PUM1: variants seen among roughly 807,000 people sequenced by gnomAD.
PUM1 encodes the protein pumilio RNA binding family member 1, also known as pumilio homolog 1.
PUM1 carries 13 observed loss-of-function variants against 131.8 expected under a neutral mutation model. The observed-to-expected ratio is 0.10, with a 90% CI of 0.06 to 0.16. PUM1 has a LOEUF of 0.16. PUM1 is among the 10% of genes least tolerant of loss of function. The probability of loss-of-function intolerance (pLI) is 1.00; values close to 1 mark genes in which losing one functional copy is unlikely to be tolerated. For synonymous variants in PUM1, 509 were observed against 556.5 expected, an observed-to-expected ratio of 0.91 and a Z score of 1.20; for missense variants, 961 against 1,512.4, an observed-to-expected ratio of 0.64 and a Z score of 6.05.
chr1:31,013,534 AGC>A (rs1642698033), intron 3 of PUM1, among the ~76,000 whole-genome samples: 1 of 152,244 alleles, frequency 6.6e-6, no homozygotes, highest in Non-Finnish European at 1.5e-5. Flanking sequence ...TTACAACACA[AGC>A]TTAGTTTCAC....
chr1:30,940,071 C>T (rs1639381734), intron 20 of PUM1, among the ~76,000 whole-genome samples: 2 of 152,102 alleles, frequency 1.3e-5, no homozygotes, highest in African/African-American at 4.8e-5. Flanking sequence ...AATATAAAGT[C>T]GTAAGAGATA....
rs1639022558 is a variant in PUM1 at position 30,933,032 on chromosome 1, T to C, written c.*179A>G. 1 of 699,228 alleles carries C rather than the reference T, an allele frequency of 1.4e-6. No homozygotes were observed. Among genetic ancestry groups the C allele is most frequent in the African/African-American group, 1.8e-5 (1 of 54,970 alleles). The allele number at this position is 699,228 out of a possible 1,614,324, so 43.3% of individuals were successfully genotyped here. ...ATAGTACATGTTATGTGTAATAAAA[T>C]TAAATTTACAAAGGCTTTTCCACTC... On this transcript the variant is annotated 3_prime_UTR_variant, in exon 22 of 22. Coordinates refer to ENST00000426105, the MANE Select transcript of PUM1 (RefSeq NM_001020658.2).
intron 20 of PUM1, among the ~76,000 whole-genome samples, chr1:30,939,768 G>A (rs536082343): frequency 1.2e-4 from 18 of 152,274 alleles, no homozygotes; most frequent in Middle Eastern, 3.4e-3. Context: ...TGAGGTGGGA[G>A]GACTGCTTGA....
chr1:30,959,109 A>C (rs1413970107), intron 14 of PUM1, among the ~76,000 whole-genome samples: 1 of 152,248 alleles, frequency 6.6e-6, no homozygotes, highest in African/African-American at 2.4e-5. Context: ...AAGACCTATA[A>C]GATGTAAAGA....
Position 31,007,184 on chromosome 1 carries a change from G to C in PUM1, c.433-82C>G. 3.8e-6 allele frequency: 4 copies of C among 1,049,874 alleles called. No homozygotes were observed. The South Asian group carries it at 5.4e-5, about 14-fold the overall frequency. 65.0% of individuals were successfully genotyped at this position (1,049,874 alleles called of 1,614,324 possible). On this transcript the variant is annotated intron_variant, in intron 3 of 21. Coordinates refer to ENST00000426105, the MANE Select transcript of PUM1 (RefSeq NM_001020658.2). ...CAGTCAACACTTTCTTTTAGACAAG[G>C]GTACTGAAGATGCTCACGTGCCCTG...
chr1:31,046,640 T>A (rs1022595027), intron 2 of PUM1, among the ~76,000 whole-genome samples: 2 of 151,680 alleles, frequency 1.3e-5, no homozygotes, highest in African/African-American at 2.4e-5. Flanking sequence ...CCTAAGTAGC[T>A]GGGATTACAG....
chr1:30,936,929 G>T, intron 20 of PUM1, 94 bp from the exon 21 acceptor site: 1 of 1,060,586 alleles, frequency 9.4e-7, no homozygotes, highest in Non-Finnish European at 1.3e-6. Context: ...CTCCGGACCA[G>T]CAGGGAGAGA....
chr1:30,967,475 G>T (rs1007425922), intron 11 of PUM1, among the ~76,000 whole-genome samples, 165 bp from the exon 12 acceptor site: 1 of 152,114 alleles, frequency 6.6e-6, no homozygotes, highest in Non-Finnish European at 1.5e-5. Flanking sequence ...GGCTACAAAT[G>T]ATTATAAAAA....
At chr1:31,049,389 G>A (rs1474736817) in intron 2 of PUM1, among the ~76,000 whole-genome samples, 18 of 151,978 alleles carry the variant, frequency 1.2e-4, no homozygotes, top group Admixed American at 1.2e-3. Context: ...GGTAGCATGT[G>A]CCGGTAATCC....
chr1:30,994,921 G>C, intron 6 of PUM1, 133 bp downstream of exon 6: 1 of 947,370 alleles, frequency 1.1e-6, no homozygotes. Flanking sequence ...TTGTAGCATA[G>C]CCTACACTAG....
chr1:30,973,904 A>G (rs186855714), intron 10 of PUM1, among the ~76,000 whole-genome samples: 7 of 152,238 alleles, frequency 4.6e-5, no homozygotes, highest in Admixed American at 4.6e-4. Flanking sequence ...CCTGACCAAC[A>G]TGGTGAAACC....
intron 5 of PUM1, among the ~76,000 whole-genome samples, chr1:31,003,735 C>T (rs763656848): frequency 4.6e-5 from 7 of 152,152 alleles, no homozygotes; most frequent in South Asian, 2.1e-4. Flanking sequence ...CCAGTCTGGG[C>T]GACAAGAGTG....
At chr1:30,951,545 C>T (rs1043435980) in intron 16 of PUM1, among the ~76,000 whole-genome samples, 3 of 151,568 alleles carry the variant, frequency 2.0e-5, no homozygotes, top group South Asian at 2.1e-4. Context: ...CTCCTCATCT[C>T]GAAGTTTTGT....
intron 18 of PUM1, 70 bp from the exon 19 acceptor site, chr1:30,942,193 A>T (rs4949187): frequency 0.61 from 108,499 of 178,146 alleles, 25,228 homozygotes; most frequent in Non-Finnish European, 0.63. Context: ...AGTATTGTTT[A>T]TATATATATA....
At chr1:31,000,711 A>T (rs1642177994) in intron 5 of PUM1, among the ~76,000 whole-genome samples, 1 of 152,198 alleles carries the variant, frequency 6.6e-6, no homozygotes. Context: ...TTCTTTCTAC[A>T]AAGTATTTTA....
At chr1:30,940,391 G>A (rs1440367100) in intron 20 of PUM1, among the ~76,000 whole-genome samples, 3 of 152,166 alleles carry the variant, frequency 2.0e-5, no homozygotes, top group Non-Finnish European at 4.4e-5. Context: ...TAGGAGGATC[G>A]CTTGAGCCTG....
chr1:31,007,685 A>G (rs1266195992), intron 3 of PUM1, among the ~76,000 whole-genome samples: 2 of 152,236 alleles, frequency 1.3e-5, no homozygotes, highest in Non-Finnish European at 2.9e-5. Flanking sequence ...TTCCTTCATT[A>G]CTGGAAGGGA....
chr1:31,038,502 TTTGTC>T (rs1264060960), intron 2 of PUM1, among the ~76,000 whole-genome samples: 2 of 152,178 alleles, frequency 1.3e-5, no homozygotes, highest in African/African-American at 4.8e-5. Context: ...GCTATGGTGA[TTTGTC>T]TTATCTCCCT....
In PUM1 at chr1:30,952,285, G is replaced by A; in HGVS notation, c.2670C>T (p.Tyr890=). ...LVFNEILQAA[Y]QLMVDVFGNY... ...TACCAAACACATCCACCATGAGTTG[G>A]TAGGCAGCCTGGAGGATTTCATTGA... Residue 890 remains tyrosine, a synonymous_variant, in exon 16 of 22, where the codon TAC becomes TAT. Transcript: ENST00000426105. 1 of 1,614,142 alleles carries A rather than the reference G, an allele frequency of 6.2e-7. No homozygotes were observed. The highest frequency in any genetic ancestry group is 8.5e-7 in the Non-Finnish European group (1 of 1,179,980).
Sources: allele counts gnomAD v4.1 joint callset (sites outside exome capture counted in the v4.1 genomes callset), GRCh38; gene constraint gnomAD v4.1.1; transcripts MANE v1.5; gene names NCBI Gene and HGNC (gene_info 2026-07-23, HGNC 2026-07-21).